The following TMEM135 variants were observed in gnomAD, a reference collection of about 807,000 sequenced individuals.
TMEM135 encodes the protein transmembrane protein 135.
TMEM135 carries 30 observed loss-of-function variants against 60.3 expected under a neutral mutation model. That is an observed-to-expected ratio of 0.50 (90% CI 0.37 to 0.68). The LOEUF (loss-of-function observed/expected upper bound fraction) is 0.68, where lower values mean the gene tolerates loss of function less well. Among genes scored for constraint, TMEM135 ranks in the 30% least tolerant of loss-of-function variants. The probability of loss-of-function intolerance (pLI) is 0.00; values close to 1 mark genes in which losing one functional copy is unlikely to be tolerated. For missense variants in TMEM135, 468 were observed against 548.8 expected (o/e 0.85, Z 1.47); for synonymous variants, 190 against 186.7 (o/e 1.02, Z -0.14).
At chr11:87,073,672 AT>A (rs762258659) in intron 3 of TMEM135, among the ~76,000 whole-genome samples, 91 of 146,676 alleles carry the variant, frequency 6.2e-4, no homozygotes, top group East Asian at 1.4e-3. Context: ...TGTTTATTTT[AT>A]TTTTTTTTTT....
In TMEM135 at chr11:87,171,282, G is replaced by C. The variant is rs571736375; in HGVS notation, c.462+13876G>C. 1.7e-4 allele frequency among the ~76,000 whole-genome samples: 26 copies of C among 151,264 alleles called. No individual in the cohort carries two copies. In the South Asian group the frequency reaches 5.5e-3, roughly 32 times the overall value. On this transcript the variant is annotated intron_variant, in intron 5 of 14. Transcript: ENST00000305494. ...TACATCAAAACAACTTTCCATTTTT[G>C]GTACTCTTATCACTGTTTTTCCAAA...
intron 4 of TMEM135, among the ~76,000 whole-genome samples, chr11:87,112,756 T>G (rs1212141422): frequency 6.6e-6 from 1 of 151,910 alleles, no homozygotes; most frequent in Non-Finnish European, 1.5e-5. Context: ...ATGCCTAGCA[T>G]GATACAGGTT....
At chr11:87,287,599 C>A (rs957781176) in intron 6 of TMEM135, among the ~76,000 whole-genome samples, 5 of 152,196 alleles carry the variant, frequency 3.3e-5, no homozygotes, top group African/African-American at 1.2e-4. Context: ...ATCGCTTGAA[C>A]CCAGGAGGCG....
At chr11:87,113,259 T>C (rs1349742030) in intron 4 of TMEM135, among the ~76,000 whole-genome samples, 1 of 152,062 alleles carries the variant, frequency 6.6e-6, no homozygotes, top group Admixed American at 6.5e-5. Context: ...TTCTTGGTAC[T>C]TGATCTTGTG....
chr11:87,295,964 G>T, intron 7 of TMEM135, 141 bp downstream of exon 7: 1 of 692,558 alleles, frequency 1.4e-6, no homozygotes, highest in Middle Eastern at 4.1e-4. Context: ...CCAAGCCTGC[G>T]GATAAATAGC....
intron 3 of TMEM135, among the ~76,000 whole-genome samples, chr11:87,072,041 A>G (rs1590996538): frequency 6.6e-6 from 1 of 152,222 alleles, no homozygotes; most frequent in African/African-American, 2.4e-5. Context: ...AATACAAAGA[A>G]TATTAGCTGG....
chr11:87,197,652 T>G (rs1285674417), intron 5 of TMEM135, among the ~76,000 whole-genome samples: 1 of 141,082 alleles, frequency 7.1e-6, no homozygotes, highest in East Asian at 2.8e-4. Flanking sequence ...ATGTGTAGCT[T>G]AGCAAAAAAA....
chr11:87,191,177 C>A (rs924321347), intron 5 of TMEM135, among the ~76,000 whole-genome samples: 1 of 151,996 alleles, frequency 6.6e-6, no homozygotes, highest in Non-Finnish European at 1.5e-5. Context: ...TAAGATAGGG[C>A]AAGGAGGAAG....
intron 3 of TMEM135, among the ~76,000 whole-genome samples, chr11:87,078,884 A>G (rs1488485686): frequency 6.6e-6 from 1 of 151,950 alleles, no homozygotes; most frequent in Non-Finnish European, 1.5e-5. Flanking sequence ...CACCTCCCAA[A>G]GTACTGGGAT....
intron 1 of TMEM135, among the ~76,000 whole-genome samples, chr11:87,061,827 G>A (rs1360736837): frequency 6.6e-6 from 1 of 152,168 alleles, no homozygotes; most frequent in Non-Finnish European, 1.5e-5. Flanking sequence ...ATAATCTTAT[G>A]AAGAGATACT....
intron 3 of TMEM135, among the ~76,000 whole-genome samples, chr11:87,089,906 A>C (rs1046052302): frequency 4.6e-5 from 7 of 152,178 alleles, no homozygotes; most frequent in Admixed American, 4.6e-4. Context: ...CTTACAAGTG[A>C]TTTTATTATT....
chr11:87,313,148 C>T (rs183133601), intron 10 of TMEM135, among the ~76,000 whole-genome samples: 16 of 151,770 alleles, frequency 1.1e-4, no homozygotes, highest in Admixed American at 7.9e-4. Context: ...TCCCAGCATT[C>T]GATAGCTAGG....
intron 1 of TMEM135, among the ~76,000 whole-genome samples, chr11:87,053,401 G>C (rs944209876): frequency 6.6e-6 from 1 of 152,022 alleles, no homozygotes; most frequent in Non-Finnish European, 1.5e-5. Context: ...ATAAGCTTTG[G>C]AAGTGAAAAA....
chr11:87,276,576 G>A (rs1358270805), intron 6 of TMEM135, among the ~76,000 whole-genome samples: 4 of 150,862 alleles, frequency 2.7e-5, no homozygotes, highest in Admixed American at 2.6e-4. Flanking sequence ...GTGTGTGTGT[G>A]TGTATTCACT....
At chr11:87,209,363 T>G (rs1791739482) in intron 5 of TMEM135, among the ~76,000 whole-genome samples, 1 of 152,106 alleles carries the variant, frequency 6.6e-6, no homozygotes, top group Admixed American at 6.6e-5. Flanking sequence ...AAAGGCCTAT[T>G]AGCCAAATGG....
At chr11:87,307,216 G>A (rs989435655) in intron 9 of TMEM135, among the ~76,000 whole-genome samples, 2 of 151,942 alleles carry the variant, frequency 1.3e-5, no homozygotes, top group African/African-American at 4.8e-5. Context: ...AACATCTATG[G>A]CCCAGTGTTG....
chr11:87,118,847 C>A (rs1296500971), intron 4 of TMEM135, among the ~76,000 whole-genome samples: 8 of 152,182 alleles, frequency 5.3e-5, no homozygotes, highest in Non-Finnish European at 1.2e-4. Context: ...GCTAGCTTCA[C>A]ACTTCTGCAA....
chr11:87,326,526 G>A lies in TMEM135; in HGVS notation c.*5193G>A, dbSNP rs1470611680. 2.2e-6 allele frequency: 1 copy of A among 454,082 alleles called. No individual in the cohort carries two copies. Among genetic ancestry groups the A allele is most frequent in the Non-Finnish European group, 4.4e-6 (1 of 226,772 alleles). 28.1% of individuals were successfully genotyped at this position (454,082 alleles called of 1,614,324 possible). ...AGGTTTAAAGCATGAAGTACATTCTGTGGTTGGTCATTATGGGATTGGATG... is the reference window on the plus strand; with the variant it reads ...AGGTTTAAAGCATGAAGTACATTCTATGGTTGGTCATTATGGGATTGGATG... On this transcript the variant is annotated 3_prime_UTR_variant, in exon 15 of 15. Transcript: ENST00000305494.
chr11:87,314,542 G>A lies in TMEM135; in HGVS notation c.1072G>A (p.Val358Ile), dbSNP rs1392953054. ...TISMYLASKL[V>I]ETMYFKGIEA... The stretch of plus-strand genomic sequence containing the variant: ...TTCCATGTATTTAGCGTCCAAATTG[G>A]TAGAGGTAAGCGAAATTTTTGTGCA... Residue 358 changes from valine to isoleucine, a missense_variant, in exon 12 of 15, where the codon GTA (valine) becomes ATA (isoleucine). Coordinates refer to ENST00000305494, the MANE Select transcript of TMEM135 (RefSeq NM_022918.4). 6.2e-7 allele frequency: 1 copy of A among 1,610,434 alleles called. No homozygotes were observed. The highest frequency in any genetic ancestry group is 8.5e-7 in the Non-Finnish European group (1 of 1,177,514).
Sources: allele counts gnomAD v4.1 joint callset (sites outside exome capture counted in the v4.1 genomes callset), GRCh38; gene constraint gnomAD v4.1.1; transcripts MANE v1.5; gene names NCBI Gene and HGNC (gene_info 2026-07-23, HGNC 2026-07-21).